Variants in CCDC110 observed in about 807,000 individuals in gnomAD.
CCDC110 encodes the protein coiled-coil domain containing 110.
In CCDC110, 70 loss-of-function variants were observed where a neutral mutation model predicts 77.1. The ratio of observed to expected loss-of-function variants is 0.91; its 90% confidence interval spans 0.75 to 1.11. The LOEUF (loss-of-function observed/expected upper bound fraction) is 1.11. Among genes scored for constraint, CCDC110 ranks in the 50% least tolerant of loss-of-function variants. CCDC110 has a pLI of 0.00. For synonymous variants in CCDC110, 295 were observed against 312.5 expected (o/e 0.94, Z 0.59); for missense variants, 868 against 942.9 (o/e 0.92, Z 1.04).
chr4:185,452,716 G>GATC (rs1226658938), intron 6 of CCDC110, among the ~76,000 whole-genome samples: 2 of 152,050 alleles, frequency 1.3e-5, no homozygotes, highest in Non-Finnish European at 2.9e-5. Context: ...TCAACATGGT[G>GATC]AAATACTGTC....
At chr4:185,450,173 G>T (rs552934036) in intron 6 of CCDC110, among the ~76,000 whole-genome samples, 1 of 152,282 alleles carries the variant, frequency 6.6e-6, no homozygotes, top group East Asian at 1.9e-4. Flanking sequence ...CAGCTTATAT[G>T]ATAACATGCC....
In CCDC110 at chr4:185,459,194, T is replaced by C. The variant is rs572355213; in HGVS notation, c.1393A>G (p.Thr465Ala). The C allele has an allele frequency of 1.2e-6, 2 of 1,601,810 alleles. No individual in the cohort carries two copies. Among genetic ancestry groups the C allele is most frequent in the Admixed American group, 1.7e-5 (1 of 57,414 alleles). ...LKSKMKPLIF[T>A]TQSLIQKVET... The stretch of plus-strand genomic sequence containing the variant: ...ACTTTCTGTATGAGAGATTGTGTGG[T>C]AAAGATAAGAGGTTTCATTTTGGAC... The change falls in exon 6 of 7, where the codon ACC becomes GCC. Residue 465 changes from threonine (T) to alanine (A), a missense_variant. Physicochemically the swap from Thr to Ala is moderately conservative, Grantham distance 58 (BLOSUM62 0). Coordinates refer to ENST00000307588, the MANE Select transcript of CCDC110 (RefSeq NM_152775.4).
intron 2 of CCDC110, among the ~76,000 whole-genome samples, chr4:185,465,827 G>A (rs1166752989): frequency 6.6e-6 from 1 of 152,180 alleles, no homozygotes; most frequent in African/African-American, 2.4e-5. Flanking sequence ...GATGAAGCCA[G>A]CAGCATTGCT....
intron 2 of CCDC110, among the ~76,000 whole-genome samples, chr4:185,465,566 C>T (rs753072189): frequency 2.4e-4 from 36 of 152,178 alleles, no homozygotes; most frequent in Non-Finnish European, 4.6e-4. Flanking sequence ...GCAGAGCCTC[C>T]AGGCCAAGCT....
At chr4:185,465,171 G>A (rs1046560719) in intron 2 of CCDC110, among the ~76,000 whole-genome samples, 6 of 152,122 alleles carry the variant, frequency 3.9e-5, no homozygotes, top group Non-Finnish European at 8.8e-5. Context: ...AATGTATTCA[G>A]CCTTCAACTC....
In CCDC110 at chr4:185,458,820, C is replaced by T. The variant is rs998979906; in HGVS notation, c.1767G>A (p.Glu589=). The T allele has an allele frequency of 1.2e-5, 19 of 1,605,884 alleles. No individual in the cohort carries two copies. The highest frequency in any genetic ancestry group is 1.5e-5 in the Non-Finnish European group (18 of 1,178,042). Residue 589 remains glutamate (E), a synonymous_variant, in exon 6 of 7, where the codon GAG becomes GAA. Transcript: ENST00000307588. ...CTTTTAGAAGCTGGTGTGTTTTTTT[C>T]TCTAACATTTCTTTTTCATCTTGTA... The part of the protein sequence containing the change: ...LLIQDEKEML[E]KKTHQLLKEK...
chr4:185,467,295 C>G (rs2095658001), intron 2 of CCDC110, among the ~76,000 whole-genome samples: 1 of 152,174 alleles, frequency 6.6e-6, no homozygotes, highest in Admixed American at 6.5e-5. Flanking sequence ...AAGCTATTAA[C>G]ATAACTTTCT....
At chr4:185,455,585 A>G (rs1233226247) in intron 6 of CCDC110, among the ~76,000 whole-genome samples, 1 of 152,148 alleles carries the variant, frequency 6.6e-6, no homozygotes, top group Non-Finnish European at 1.5e-5. Flanking sequence ...ATGTGTATGC[A>G]TACATAAAAG....
rs781158028 is a variant in CCDC110 at position 185,462,672 on chromosome 4, G to A, written c.208C>T (p.Arg70Ter). The stretch of plus-strand genomic sequence containing the variant: ...CTGACATTCTGCAAAGTCTGCATTC[G>A]CAAAGCCTGAAATGATTCCAACTGC... ...QQQLESFQAL[R>*]MQTLQNVSMV... Residue 70 changes from arginine to a stop codon, truncating the protein, a stop_gained, in exon 4 of 7, where the codon CGA becomes TGA. Transcript: ENST00000307588. LOFTEE classifies it high-confidence loss of function. 1.5e-5 allele frequency: 24 copies of A among 1,613,628 alleles called. No individual in the cohort carries two copies. The highest frequency in any genetic ancestry group is 2.7e-5 in the African/African-American group (2 of 74,932).
chr4:185,457,752 T>C, intron 6 of CCDC110: 2 of 1,410,098 alleles, frequency 1.4e-6, no homozygotes, highest in Non-Finnish European at 1.9e-6. Context: ...TTTTGAAACA[T>C]TGATTTTAGC....
chr4:185,460,054 TTGTC>T lies in CCDC110; in HGVS notation c.529_532del (p.Asp177IlefsTer6). ...GTGTATAATTATGTTTGAAGATAAA[TTGTC>T]TGTTGAAGTTCTCAGAGTTAATGTG... is the stretch of plus-strand genomic sequence containing the variant. On this transcript the variant is annotated frameshift_variant, in exon 6 of 7. Transcript: ENST00000307588. LOFTEE classifies it high-confidence loss of function. 1.2e-6 allele frequency: 2 copies of T among 1,613,826 alleles called. No homozygotes were observed. The highest frequency in any genetic ancestry group is 8.5e-7 in the Non-Finnish European group (1 of 1,179,852).
Position 185,460,097 on chromosome 4 carries a change from T to C in CCDC110, c.490A>G (p.Ile164Val), listed in dbSNP as rs1431456021. The C allele has an allele frequency of 1.1e-5, 18 of 1,613,676 alleles. No homozygotes were observed. Among genetic ancestry groups the C allele is most frequent in the Non-Finnish European group, 1.4e-5 (16 of 1,179,936 alleles). Residue 164 changes from isoleucine to valine, a missense_variant, in exon 6 of 7, where the codon ATA becomes GTA. Ile to Val is a conservative substitution (Grantham distance 29). Transcript: ENST00000307588. ...AGAGTTAATGTGTCCTCGGAATGTATCTGGGATGGAACATTTACACTTTGA... is the reference window on the plus strand; with the variant it reads ...AGAGTTAATGTGTCCTCGGAATGTACCTGGGATGGAACATTTACACTTTGA... ...LPQSVNVPSQ[I>V]HSEDTLTLRT...
chr4:185,469,695 G>A (rs967305288), intron 2 of CCDC110, among the ~76,000 whole-genome samples: 3 of 152,216 alleles, frequency 2.0e-5, no homozygotes, highest in African/African-American at 7.2e-5. Flanking sequence ...GCCAGTGCCT[G>A]TCCTGCTGGC....
chr4:185,464,107 A>T (rs1159362085), intron 2 of CCDC110, among the ~76,000 whole-genome samples: 1 of 152,154 alleles, frequency 6.6e-6, no homozygotes, highest in Non-Finnish European at 1.5e-5. Context: ...TAAAGAGTGT[A>T]TTCATAAAAG....
At chr4:185,462,584 A>G (rs2095648351) in intron 4 of CCDC110, 59 bp downstream of exon 4, 2 of 1,315,842 alleles carry the variant, frequency 1.5e-6, no homozygotes, top group Middle Eastern at 1.8e-4. Context: ...CCATCAGCTT[A>G]GAAGATGGGA....
At position 185,459,919 on chromosome 4, in the gene CCDC110, G is replaced by C. The variant is rs948684901; in HGVS notation, c.668C>G (p.Ser223Cys). ...SQADTVILDK[S>C]KITVPFLKHG... ...CTTGAGAAAAGGCACAGTAATTTTGGATTTATCCAGAATTACTGTATCAGC... is the reference window on the plus strand; with the variant it reads ...CTTGAGAAAAGGCACAGTAATTTTGCATTTATCCAGAATTACTGTATCAGC... Residue 223 changes from serine to cysteine, a missense_variant, in exon 6 of 7, where the codon TCC (serine) becomes TGC (cysteine). Coordinates refer to ENST00000307588, the MANE Select transcript of CCDC110 (RefSeq NM_152775.4). The C allele has an allele frequency of 2.5e-6, 4 of 1,613,830 alleles. No homozygotes were observed. Among genetic ancestry groups the C allele is most frequent in the Non-Finnish European group, 3.4e-6 (4 of 1,179,896 alleles).
In CCDC110 at chr4:185,458,172, T is replaced by C. The variant is rs775653177; in HGVS notation, c.2415A>G (p.Glu805=). The change falls in exon 6 of 7, where the codon GAA becomes GAG. Residue 805 remains glutamate (E), a synonymous_variant. Transcript: ENST00000307588. ...GCCTACTCTGAGGACTAGAAGTATC[T>C]TCGTGAGTATAGTTGTCAAAATGGA... is the stretch of plus-strand genomic sequence containing the variant. ...EKFHFDNYTH[E]DTSSPQSRPL... 6.3e-7 allele frequency: 1 copy of C among 1,598,476 alleles called. No individual in the cohort carries two copies. The highest frequency in any genetic ancestry group is 1.8e-5 in the Admixed American group (1 of 55,518).
intron 4 of CCDC110, among the ~76,000 whole-genome samples, chr4:185,461,639 C>T (rs551575991): frequency 6.6e-6 from 1 of 152,270 alleles, no homozygotes; most frequent in African/African-American, 2.4e-5. Context: ...CTGGATGAAG[C>T]GTGGTTATGG....
At position 185,458,203 on chromosome 4, in the gene CCDC110, T is replaced by C. The variant is rs141502123; in HGVS notation, c.2384A>G (p.Glu795Gly). The change falls in exon 6 of 7, where the codon GAG becomes GGG. Residue 795 changes from glutamate (E) to glycine (G), a missense_variant. Glu to Gly is a moderately conservative substitution (Grantham distance 98, BLOSUM62 -2). Transcript: ENST00000307588. ...PSKTTYISRR[E>G]KFHFDNYTHE... ...AGTATAGTTGTCAAAATGGAATTTC[T>C]CTCTTCTTGAAATGTAAGTTGTTTT... is the stretch of plus-strand genomic sequence containing the variant. The C allele has an allele frequency of 1.2e-6, 2 of 1,606,476 alleles. No individual in the cohort carries two copies. The highest frequency in any genetic ancestry group is 1.7e-6 in the Non-Finnish European group (2 of 1,178,054).
Sources: allele counts gnomAD v4.1 joint callset (sites outside exome capture counted in the v4.1 genomes callset), GRCh38; gene constraint gnomAD v4.1.1; transcripts MANE v1.5; gene names NCBI Gene and HGNC (gene_info 2026-07-23, HGNC 2026-07-21).